Variants in GRIK2 observed in about 807,000 individuals in gnomAD.
GRIK2 encodes the protein glutamate receptor ionotropic, kainate 2.
A neutral mutation model predicts 100.3 loss-of-function variants in GRIK2; 32 were observed. The ratio of observed to expected loss-of-function variants is 0.32; its 90% CI spans 0.24 to 0.43. The LOEUF is 0.43. Among genes scored for constraint, GRIK2 ranks in the 20% least tolerant of loss-of-function variants. The probability of loss-of-function intolerance (pLI) is 1.00; values close to 1 mark genes in which losing one functional copy is unlikely to be tolerated. For synonymous variants in GRIK2, 417 were observed against 389.4 expected, an observed-to-expected ratio of 1.07 and a Z score of -0.83; for missense variants, 843 against 1,114.9, an observed-to-expected ratio of 0.76 and a Z score of 3.47.
At chr6:101,456,408 G>T (rs1490478140) in intron 2 of GRIK2, among the ~76,000 whole-genome samples, 1 of 152,002 alleles carries the variant, frequency 6.6e-6, no homozygotes, top group Non-Finnish European at 1.5e-5. Context: ...CTACTTGGAG[G>T]TAGGGAGTGA....
rs1378421515 is a variant in GRIK2 at position 101,773,958 on chromosome 6, A to T, written c.952-25690A>T. ...AGATAGAAAGCTAAACACAATAAGA[A>T]CATAAAAAGTCATAAAAGATGCATA... On this transcript the variant is annotated intron_variant, in intron 7 of 16. Transcript: ENST00000369134. Among the ~76,000 whole-genome samples the T allele has an allele frequency of 1.3e-5, 2 of 152,192 alleles. 1 individual carries two copies. The highest frequency in any genetic ancestry group is 4.8e-5 in the African/African-American group (2 of 41,468).
At chr6:102,045,821 G>A (rs1043981541) in intron 15 of GRIK2, among the ~76,000 whole-genome samples, 11 of 151,886 alleles carry the variant, frequency 7.2e-5, no homozygotes, top group African/African-American at 2.7e-4. Context: ...TATTTAAAAA[G>A]CAATGAATAA....
At chr6:101,419,606 C>A (rs1283026262) in intron 2 of GRIK2, among the ~76,000 whole-genome samples, 1 of 152,174 alleles carries the variant, frequency 6.6e-6, no homozygotes, top group East Asian at 1.9e-4. Context: ...TGCATTTACA[C>A]ACGCAGTATT....
At chr6:101,843,719 G>A (rs2128436084) in intron 10 of GRIK2, among the ~76,000 whole-genome samples, 1 of 152,272 alleles carries the variant, frequency 6.6e-6, no homozygotes, top group South Asian at 2.1e-4. Context: ...TTTAAATAAT[G>A]ATGCTAAGGT....
chr6:101,942,508 A>T (rs182221396), intron 14 of GRIK2, among the ~76,000 whole-genome samples: 1 of 152,326 alleles, frequency 6.6e-6, no homozygotes, highest in Non-Finnish European at 1.5e-5. Context: ...AAATGCTGAT[A>T]GTGATATGGA....
chr6:101,442,808 A>C (rs1205592044), intron 2 of GRIK2, among the ~76,000 whole-genome samples: 2 of 152,170 alleles, frequency 1.3e-5, no homozygotes, highest in Non-Finnish European at 2.9e-5. Flanking sequence ...AAAAGTAGGG[A>C]GTAGGCAGAT....
intron 2 of GRIK2, among the ~76,000 whole-genome samples, chr6:101,552,843 T>G (rs1562221054): frequency 6.6e-6 from 1 of 152,298 alleles, no homozygotes; most frequent in South Asian, 2.1e-4. Flanking sequence ...TACTGTTTCA[T>G]TGGTTTTTAA....
chr6:101,836,128 C>G (rs527622529), intron 10 of GRIK2, among the ~76,000 whole-genome samples: 1 of 151,836 alleles, frequency 6.6e-6, no homozygotes, highest in South Asian at 2.1e-4. Context: ...GTTCACAGGT[C>G]ATTCTGATTC....
intron 7 of GRIK2, among the ~76,000 whole-genome samples, chr6:101,770,984 A>G (rs763908696): frequency 1.3e-5 from 2 of 152,170 alleles, no homozygotes; most frequent in Non-Finnish European, 2.9e-5. Flanking sequence ...CAGTAAATTT[A>G]TTTTATGTAC....
chr6:101,872,328 G>A (rs1785479665), intron 11 of GRIK2, among the ~76,000 whole-genome samples: 1 of 151,874 alleles, frequency 6.6e-6, no homozygotes, highest in East Asian at 1.9e-4. Context: ...ACATGGCTGG[G>A]GAGGCATCAG....
intron 12 of GRIK2, among the ~76,000 whole-genome samples, chr6:101,909,380 T>TGTTGTTG (rs1562480952): frequency 1.5e-5 from 2 of 132,532 alleles, no homozygotes; most frequent in Admixed American, 1.5e-4. Context: ...GGTTTTCTTT[T>TGTTGTTG]TCTTTTTTTT....
At chr6:101,766,468 A>C (rs1353998418) in intron 7 of GRIK2, among the ~76,000 whole-genome samples, 2 of 152,170 alleles carry the variant, frequency 1.3e-5, no homozygotes, top group Non-Finnish European at 2.9e-5. Context: ...GTTCTATAGT[A>C]TTCAATTGGA....
At chr6:101,623,455 A>G (rs1021191642) in intron 3 of GRIK2, among the ~76,000 whole-genome samples, 9 of 152,128 alleles carry the variant, frequency 5.9e-5, no homozygotes, top group Admixed American at 5.2e-4. Flanking sequence ...ATTACATTTG[A>G]TTAGTGGCAT....
chr6:101,509,691 C>T (rs1249514028), intron 2 of GRIK2, among the ~76,000 whole-genome samples: 2 of 152,134 alleles, frequency 1.3e-5, no homozygotes, highest in Admixed American at 6.5e-5. Context: ...TTATTTAGTT[C>T]AGAGTCTTGC....
intron 7 of GRIK2, among the ~76,000 whole-genome samples, chr6:101,717,039 T>A (rs1774123967): frequency 6.6e-6 from 1 of 151,898 alleles, no homozygotes. Context: ...ATGCAAATGA[T>A]CTTTTCCCCT....
At chr6:101,561,392 G>T (rs904604036) in intron 2 of GRIK2, among the ~76,000 whole-genome samples, 1 of 151,332 alleles carries the variant, frequency 6.6e-6, no homozygotes, top group Non-Finnish European at 1.5e-5. Flanking sequence ...AGAGAGAAGG[G>T]GGGGATGAAA....
intron 13 of GRIK2, among the ~76,000 whole-genome samples, chr6:101,926,631 C>A (rs576877408): frequency 1.3e-5 from 2 of 152,222 alleles, no homozygotes; most frequent in African/African-American, 4.8e-5. Flanking sequence ...ATGAAAAATT[C>A]AAATATACAT....
chr6:101,986,451 A>G (rs990125148), intron 14 of GRIK2, among the ~76,000 whole-genome samples: 2 of 151,884 alleles, frequency 1.3e-5, no homozygotes, highest in Non-Finnish European at 2.9e-5. Context: ...CTCAGTTTTC[A>G]TATTTTCTTC....
intron 8 of GRIK2, 79 bp downstream of exon 8, chr6:101,799,870 C>G: frequency 8.8e-7 from 1 of 1,142,236 alleles, no homozygotes; most frequent in Non-Finnish European, 1.3e-6. Context: ...GTTTTTCTAG[C>G]AAGTGTCCTT....
Sources: allele counts gnomAD v4.1 joint callset (sites outside exome capture counted in the v4.1 genomes callset), GRCh38; gene constraint gnomAD v4.1.1; transcripts MANE v1.5; gene names NCBI Gene and HGNC (gene_info 2026-07-23, HGNC 2026-07-21).